Variants in CYRIA observed in about 807,000 individuals in gnomAD.
CYRIA encodes CYFIP-related Rac1 interactor A.
A neutral mutation model predicts 43.9 loss-of-function variants in CYRIA; 15 were observed. The observed-to-expected ratio is 0.34, with a 90% confidence interval of 0.23 to 0.53. The LOEUF is 0.53. Ranked by LOEUF, CYRIA falls within the 20% of genes least tolerant of loss-of-function variation. The pLI is 0.94. For missense variants in CYRIA, 236 were observed against 394.2 expected (o/e 0.60, Z 3.40); for synonymous variants, 117 against 136.0 (o/e 0.86, Z 0.97).
chr2:16,576,809 A>G (rs1667365922), intron 3 of CYRIA, among the ~76,000 whole-genome samples: 1 of 152,234 alleles, frequency 6.6e-6, no homozygotes, highest in South Asian at 2.1e-4. Context: ...TAGACTATAC[A>G]TACAATGGAA....
At chr2:16,581,140 A>G (rs528078610) in intron 3 of CYRIA, among the ~76,000 whole-genome samples, 1 of 152,322 alleles carries the variant, frequency 6.6e-6, no homozygotes, top group East Asian at 1.9e-4. Context: ...TCATGAAAAG[A>G]TATCAATAAG....
intron 1 of CYRIA, among the ~76,000 whole-genome samples, chr2:16,651,458 G>A (rs1000771662): frequency 6.6e-6 from 1 of 152,218 alleles, no homozygotes; most frequent in Non-Finnish European, 1.5e-5. Flanking sequence ...CTAAACAGTT[G>A]CAGACAAACC....
intron 1 of CYRIA, among the ~76,000 whole-genome samples, chr2:16,637,521 G>A (rs1449703766): frequency 6.6e-6 from 1 of 152,156 alleles, no homozygotes; most frequent in Non-Finnish European, 1.5e-5. Context: ...TCTTGATCTT[G>A]GACTTCACAG....
chr2:16,627,701 C>T (rs1669214250), intron 1 of CYRIA, among the ~76,000 whole-genome samples: 1 of 152,216 alleles, frequency 6.6e-6, no homozygotes, highest in Non-Finnish European at 1.5e-5. Context: ...ACAGATGACA[C>T]CTTCCTTCAA....
At position 16,561,552 on chromosome 2, in the gene CYRIA, G is replaced by C; in HGVS notation, c.436-19C>G. 1 of 1,599,980 alleles carries C rather than the reference G, an allele frequency of 6.3e-7. No homozygotes were observed. Among genetic ancestry groups the C allele is most frequent in the Admixed American group, 1.7e-5 (1 of 59,956 alleles). On this transcript the variant is annotated intron_variant, in intron 6 of 11. Coordinates refer to ENST00000381323, the MANE Select transcript of CYRIA (RefSeq NM_030797.4). ...TCCTCATCTGAAATTCAGAGGACAA[G>C]AGCGAAGGTCATCTCTCAGTATCAG... is the stretch of plus-strand genomic sequence containing the variant.
intron 3 of CYRIA, among the ~76,000 whole-genome samples, chr2:16,575,759 C>G (rs563177358): frequency 7.9e-5 from 12 of 151,890 alleles, no homozygotes; most frequent in Middle Eastern, 3.4e-3. Flanking sequence ...GGGAGGCTGA[C>G]GCAGGAGAAT....
Position 16,599,437 on chromosome 2 carries a change from C to T in CYRIA, c.-10-11308G>A, listed in dbSNP as rs1298024413. 2.7e-3 allele frequency among the ~76,000 whole-genome samples: 137 copies of T among 51,608 alleles called. 1 individual carries two copies. The highest frequency in any genetic ancestry group is 0.014 in the African/African-American group (127 of 9,336). The allele number at this position is 51,608 out of a possible 152,430, so 33.9% of individuals were successfully genotyped here. Reference sequence around the variant, plus strand: ...AGGTGTGGGATATAGTCTCGTGGTGCGCCGTTTCTTAAGCCGGTCTGAAAA... The same window carrying T: ...AGGTGTGGGATATAGTCTCGTGGTGTGCCGTTTCTTAAGCCGGTCTGAAAA... On this transcript the variant is annotated intron_variant, in intron 2 of 11. Coordinates refer to ENST00000381323, the MANE Select transcript of CYRIA (RefSeq NM_030797.4).
intron 1 of CYRIA, among the ~76,000 whole-genome samples, chr2:16,630,531 C>G (rs1054617905): frequency 6.6e-6 from 1 of 152,128 alleles, no homozygotes; most frequent in African/African-American, 2.4e-5. Flanking sequence ...GTGAGTGCAC[C>G]CATGTTCAGG....
At chr2:16,632,037 A>G (rs1384413074) in intron 1 of CYRIA, among the ~76,000 whole-genome samples, 2 of 152,318 alleles carry the variant, frequency 1.3e-5, no homozygotes, top group South Asian at 2.1e-4. Flanking sequence ...CTGCAGCACT[A>G]TCTACAAGGG....
chr2:16,560,665 A>T (rs544962435), intron 9 of CYRIA: 77 of 353,282 alleles, frequency 2.2e-4, no homozygotes, highest in South Asian at 2.1e-3. Flanking sequence ...CAATATATTT[A>T]TCATGATGTC....
intron 1 of CYRIA, chr2:16,625,812 G>C (rs538974332): frequency 6.6e-6 from 1 of 152,074 alleles, no homozygotes; most frequent in South Asian, 2.1e-4. Flanking sequence ...AGGTATCAGG[G>C]AGAGCTATCC....
At chr2:16,627,777 T>C (rs1669215772) in intron 1 of CYRIA, among the ~76,000 whole-genome samples, 2 of 152,186 alleles carry the variant, frequency 1.3e-5, no homozygotes, top group Admixed American at 6.5e-5. Flanking sequence ...GCAGGCAGAA[T>C]TAGGAATTTG....
At chr2:16,653,970 C>A (rs545335777) in intron 1 of CYRIA, among the ~76,000 whole-genome samples, 1 of 152,308 alleles carries the variant, frequency 6.6e-6, no homozygotes, top group African/African-American at 2.4e-5. Context: ...AGTAGTGGGG[C>A]AGGCTGAAAC....
At chr2:16,647,152 T>A (rs1049090509) in intron 1 of CYRIA, among the ~76,000 whole-genome samples, 12 of 152,236 alleles carry the variant, frequency 7.9e-5, no homozygotes, top group Non-Finnish European at 1.5e-4. Context: ...TAACAGGGGA[T>A]GTGTTAATTT....
chr2:16,605,286 A>G (rs1216088501), intron 2 of CYRIA, among the ~76,000 whole-genome samples: 1 of 152,242 alleles, frequency 6.6e-6, no homozygotes, highest in Admixed American at 6.5e-5. Flanking sequence ...AAAGTACCCA[A>G]GAAATGAGGG....
intron 2 of CYRIA, among the ~76,000 whole-genome samples, chr2:16,617,897 C>T (rs56141481): frequency 0.3 from 45,476 of 152,116 alleles, 8,813 homozygotes; most frequent in Non-Finnish European, 0.43. Flanking sequence ...GGGAGGAGGG[C>T]TGACCAAGGT....
At chr2:16,625,650 T>C (rs535370166) in intron 1 of CYRIA, 9 of 152,210 alleles carry the variant, frequency 5.9e-5, no homozygotes, top group African/African-American at 1.9e-4. Context: ...CACAGGGATG[T>C]TTTCCACACC....
intron 1 of CYRIA, among the ~76,000 whole-genome samples, chr2:16,648,596 T>G (rs1317475011): frequency 6.6e-6 from 1 of 152,244 alleles, no homozygotes; most frequent in Non-Finnish European, 1.5e-5. Flanking sequence ...TGTTTATCTC[T>G]CTAGCATGCA....
chr2:16,557,611 A>C (rs1572453070), intron 10 of CYRIA, among the ~76,000 whole-genome samples: 2 of 152,280 alleles, frequency 1.3e-5, no homozygotes, highest in African/African-American at 4.8e-5. Context: ...TTAGAGGTAC[A>C]CGCAAACATC....
Sources: allele counts gnomAD v4.1 joint callset (sites outside exome capture counted in the v4.1 genomes callset), GRCh38; gene constraint gnomAD v4.1.1; transcripts MANE v1.5; gene names NCBI Gene and HGNC (gene_info 2026-07-23, HGNC 2026-07-21).